The following DTNA variants were observed in gnomAD, a reference collection of about 807,000 sequenced individuals.
DTNA encodes the protein dystrobrevin alpha.
A neutral mutation model predicts 100.7 loss-of-function variants in DTNA; 43 were observed. That is an observed-to-expected ratio of 0.43 (90% CI 0.33 to 0.55). DTNA has a LOEUF of 0.55. Ranked by LOEUF, DTNA falls within the 20% of genes least tolerant of loss-of-function variation. DTNA has a pLI of 0.04. For missense variants in DTNA, 798 were observed against 953.9 expected, an observed-to-expected ratio of 0.84 and a Z score of 2.15; for synonymous variants, 349 against 347.9, an observed-to-expected ratio of 1.00 and a Z score of -0.04.
intron 1 of DTNA, among the ~76,000 whole-genome samples, chr18:34,638,494 A>C (rs2058898963): frequency 6.6e-6 from 1 of 152,186 alleles, no homozygotes; most frequent in Non-Finnish European, 1.5e-5. Flanking sequence ...TTGGTACCCT[A>C]CACTGACACT....
At chr18:34,762,681 C>G (rs1342680260) in intron 2 of DTNA, among the ~76,000 whole-genome samples, 1 of 152,202 alleles carries the variant, frequency 6.6e-6, no homozygotes, top group African/African-American at 2.4e-5. Context: ...GATCCTGCAG[C>G]TAACACATAC....
chr18:34,553,950 T>A (rs1436078345), intron 1 of DTNA, among the ~76,000 whole-genome samples: 1 of 149,742 alleles, frequency 6.7e-6, no homozygotes, highest in Non-Finnish European at 1.5e-5. Context: ...TGGCATTGAA[T>A]CTGTAAATTA....
At chr18:34,514,354 A>G (rs967197090) in intron 1 of DTNA, among the ~76,000 whole-genome samples, 4 of 152,070 alleles carry the variant, frequency 2.6e-5, no homozygotes, top group Admixed American at 2.6e-4. Flanking sequence ...AGAATTTCTG[A>G]TTAATCAGTC....
intron 1 of DTNA, among the ~76,000 whole-genome samples, chr18:34,609,477 C>T (rs1358583219): frequency 6.6e-6 from 1 of 152,130 alleles, no homozygotes; most frequent in Admixed American, 6.6e-5. Context: ...ATCTCCTCAT[C>T]TCGTGATCCG....
chr18:34,598,170 C>T (rs554518703), intron 1 of DTNA, among the ~76,000 whole-genome samples: 19 of 150,654 alleles, frequency 1.3e-4, no homozygotes, highest in Admixed American at 9.2e-4. Context: ...GTTTATTTGG[C>T]TGTTGTCACT....
intron 1 of DTNA, among the ~76,000 whole-genome samples, chr18:34,727,790 C>T (rs745920035): frequency 6.6e-6 from 1 of 152,168 alleles, no homozygotes; most frequent in Non-Finnish European, 1.5e-5. Flanking sequence ...GTGTCAAAGT[C>T]CTGGCCTCAA....
intron 7 of DTNA, 36 bp from the exon 8 acceptor site, chr18:34,818,128 G>C: frequency 1.2e-6 from 2 of 1,613,632 alleles, no homozygotes; most frequent in East Asian, 2.2e-5. Flanking sequence ...TCATACTTTT[G>C]TTTTCTTGGT....
intron 1 of DTNA, among the ~76,000 whole-genome samples, chr18:34,496,082 C>T (rs2039161026): frequency 6.6e-6 from 1 of 152,068 alleles, no homozygotes. Context: ...TAATTTCAAA[C>T]TCACACTTAC....
intron 16 of DTNA, among the ~76,000 whole-genome samples, chr18:34,862,713 C>G (rs1385849546): frequency 3.3e-5 from 5 of 152,034 alleles, no homozygotes; most frequent in African/African-American, 1.2e-4. Context: ...TGGCGGAGGA[C>G]TGCTTGAACC....
chr18:34,692,510 T>G (rs2079915644), intron 1 of DTNA, among the ~76,000 whole-genome samples: 1 of 152,216 alleles, frequency 6.6e-6, no homozygotes, highest in South Asian at 2.1e-4. Context: ...AAAAGAGCTT[T>G]CCAATTTAAT....
chr18:34,552,535 C>G (rs961715114), intron 1 of DTNA, among the ~76,000 whole-genome samples: 4 of 124,758 alleles, frequency 3.2e-5, no homozygotes, highest in Non-Finnish European at 5.0e-5. Flanking sequence ...CCCCTCCCCC[C>G]ACCCCACCAC....
chr18:34,562,301 A>C (rs1568661185), intron 1 of DTNA, among the ~76,000 whole-genome samples: 1 of 152,216 alleles, frequency 6.6e-6, no homozygotes, highest in Non-Finnish European at 1.5e-5. Flanking sequence ...CTCTCCATTG[A>C]AGTTGCTTTA....
chr18:34,773,620 A>C (rs1010631774), intron 3 of DTNA, among the ~76,000 whole-genome samples: 2 of 152,180 alleles, frequency 1.3e-5, no homozygotes, highest in African/African-American at 2.4e-5. Context: ...AGGAAGGTGC[A>C]TTGTGCTAGA....
At chr18:34,825,421 A>G (rs945634758) in intron 9 of DTNA, 1 of 1,018,970 alleles carries the variant, frequency 9.8e-7, no homozygotes, top group Non-Finnish European at 1.5e-6. Context: ...CAAGGATGCC[A>G]CTTATATAAA....
intron 9 of DTNA, chr18:34,825,322 A>G: frequency 1.2e-6 from 2 of 1,612,232 alleles, no homozygotes; most frequent in Non-Finnish European, 8.5e-7. Context: ...ATGTATAATC[A>G]TGATCATAAG....
intron 1 of DTNA, among the ~76,000 whole-genome samples, chr18:34,524,904 T>C (rs542412431): frequency 6.6e-6 from 1 of 152,148 alleles, no homozygotes; most frequent in East Asian, 1.9e-4. Flanking sequence ...AGCAAGTGAG[T>C]TTGGGGCATA....
chr18:34,742,646 A>ATAGATAGATAATCTATTATCTATCTATC (rs1555752577), intron 1 of DTNA, among the ~76,000 whole-genome samples: 1 of 152,104 alleles, frequency 6.6e-6, no homozygotes, highest in Admixed American at 6.5e-5. Context: ...ATCTATCTAG[A>ATAGATAGATAATCTATTATCTATCTATC]TAGATAGATA....
intron 2 of DTNA, among the ~76,000 whole-genome samples, chr18:34,756,522 C>T (rs1429890994): frequency 6.6e-6 from 1 of 152,042 alleles, no homozygotes; most frequent in Non-Finnish European, 1.5e-5. Flanking sequence ...ATTACTGGAC[C>T]AAACTATAAA....
chr18:34,538,926 T>C (rs929170542), intron 1 of DTNA, among the ~76,000 whole-genome samples: 26 of 151,988 alleles, frequency 1.7e-4, no homozygotes, highest in Admixed American at 1.7e-3. Context: ...ATTAAAATTT[T>C]CTCAACACAA....
Sources: allele counts gnomAD v4.1 joint callset (sites outside exome capture counted in the v4.1 genomes callset), GRCh38; gene constraint gnomAD v4.1.1; transcripts MANE v1.5; gene names NCBI Gene and HGNC (gene_info 2026-07-23, HGNC 2026-07-21).